The following GRID2 variants were observed in gnomAD, a reference collection of about 807,000 sequenced individuals.
The protein encoded by GRID2 is glutamate receptor ionotropic, delta-2.
A neutral mutation model predicts 114.8 loss-of-function variants in GRID2; 33 were observed. The ratio of observed to expected loss-of-function variants is 0.29; its 90% CI spans 0.22 to 0.38. The LOEUF is 0.38. GRID2 is among the 10% of genes least tolerant of loss of function. GRID2 has a pLI of 1.00. For synonymous variants in GRID2, 505 were observed against 449.9 expected (o/e 1.12, Z -1.55); for missense variants, 1,184 against 1,257.7 (o/e 0.94, Z 0.89).
intron 13 of GRID2, among the ~76,000 whole-genome samples, chr4:93,618,621 A>G (rs370732271): frequency 1.5e-4 from 23 of 152,352 alleles, no homozygotes; most frequent in African/African-American, 4.1e-4. Flanking sequence ...TAAAGGCAAC[A>G]GAACATGTAT....
At chr4:93,649,962 C>T (rs188459627) in intron 14 of GRID2, among the ~76,000 whole-genome samples, 2 of 152,188 alleles carry the variant, frequency 1.3e-5, no homozygotes, top group African/African-American at 4.8e-5. Context: ...TACAAGTTTC[C>T]TCCCCCAGCT....
chr4:92,575,684 T>G (rs923690884), intron 1 of GRID2, among the ~76,000 whole-genome samples: 1 of 152,206 alleles, frequency 6.6e-6, no homozygotes, highest in Non-Finnish European at 1.5e-5. Context: ...CAGGGGATAC[T>G]GACTGGTTGC....
intron 1 of GRID2, among the ~76,000 whole-genome samples, chr4:92,563,368 G>A (rs979495714): frequency 6.6e-6 from 1 of 152,042 alleles, no homozygotes; most frequent in Non-Finnish European, 1.5e-5. Context: ...TTCTGCCTCA[G>A]TAATGTGTGC....
At chr4:92,692,900 G>A (rs1027862783) in intron 2 of GRID2, among the ~76,000 whole-genome samples, 1 of 151,938 alleles carries the variant, frequency 6.6e-6, no homozygotes, top group Middle Eastern at 3.2e-3. Context: ...GTGCATGCCT[G>A]TAATCCTAGC....
intron 11 of GRID2, among the ~76,000 whole-genome samples, chr4:93,487,840 A>AGGATTGT (rs1170017423): frequency 6.6e-6 from 1 of 151,950 alleles, no homozygotes; most frequent in African/African-American, 2.4e-5. Flanking sequence ...TGTCAGTGGG[A>AGGATTGT]GGATTGTTCT....
At chr4:92,877,453 G>C (rs548569723) in intron 2 of GRID2, among the ~76,000 whole-genome samples, 1 of 152,194 alleles carries the variant, frequency 6.6e-6, no homozygotes, top group East Asian at 1.9e-4. Flanking sequence ...TGCTGAGTCC[G>C]TGAAGGAGGT....
At chr4:93,752,191 T>C (rs1045973502) in intron 14 of GRID2, among the ~76,000 whole-genome samples, 1 of 152,130 alleles carries the variant, frequency 6.6e-6, no homozygotes, top group Non-Finnish European at 1.5e-5. Flanking sequence ...ATATACCACA[T>C]AATGTGGTGA....
At chr4:93,500,249 A>T (rs1028045571) in intron 12 of GRID2, among the ~76,000 whole-genome samples, 1 of 152,036 alleles carries the variant, frequency 6.6e-6, no homozygotes, top group Non-Finnish European at 1.5e-5. Flanking sequence ...AGAGTAAAAA[A>T]GGGATAGATT....
chr4:92,795,636 C>T (rs534009286), intron 2 of GRID2, among the ~76,000 whole-genome samples: 3 of 152,090 alleles, frequency 2.0e-5, no homozygotes, highest in African/African-American at 7.2e-5. Context: ...CTTCTTACAC[C>T]ATGTGCTTTA....
At chr4:92,888,656 C>A (rs1746537542) in intron 2 of GRID2, among the ~76,000 whole-genome samples, 1 of 151,958 alleles carries the variant, frequency 6.6e-6, no homozygotes, top group Non-Finnish European at 1.5e-5. Context: ...AAATAGAATG[C>A]ATATATTTAA....
intron 2 of GRID2, among the ~76,000 whole-genome samples, chr4:93,040,479 A>G (rs532847798): frequency 6.6e-6 from 1 of 152,242 alleles, no homozygotes; most frequent in Non-Finnish European, 1.5e-5. Context: ...TGTAAAGTGT[A>G]TTCTTTTTCT....
intron 14 of GRID2, among the ~76,000 whole-genome samples, chr4:93,647,425 A>G (rs1043342745): frequency 6.6e-6 from 1 of 152,218 alleles, no homozygotes; most frequent in Non-Finnish European, 1.5e-5. Flanking sequence ...TTTCACCTCT[A>G]TACTCATCCA....
intron 8 of GRID2, among the ~76,000 whole-genome samples, chr4:93,306,579 T>C (rs1755448683): frequency 1.3e-5 from 2 of 152,148 alleles, no homozygotes; most frequent in Admixed American, 6.5e-5. Flanking sequence ...GAAAGAAAGA[T>C]AGGAATACCT....
At chr4:92,885,917 G>T (rs1020034363) in intron 2 of GRID2, among the ~76,000 whole-genome samples, 1 of 152,116 alleles carries the variant, frequency 6.6e-6, no homozygotes, top group Non-Finnish European at 1.5e-5. Flanking sequence ...GTGTTAAAAT[G>T]TTAACTTCCA....
At chr4:93,116,120 C>A (rs1007384800) in intron 4 of GRID2, among the ~76,000 whole-genome samples, 15 of 152,150 alleles carry the variant, frequency 9.9e-5, no homozygotes, top group Admixed American at 8.5e-4. Context: ...AGTTATAGCA[C>A]AATTTTAAAT....
rs145996854 is a variant in GRID2, at chr4:93,161,863, TAA to T, written c.736-45540_736-45539del. 2.3e-3 allele frequency among the ~76,000 whole-genome samples: 352 copies of T among 151,956 alleles called. 1 individual carries two copies. The highest frequency in any genetic ancestry group is 8.0e-3 in the African/African-American group (334 of 41,524). ...ACCAATTATGTTTTCTTTTATACTT[TAA>T]GTTTTTCTTATTAATATCTATAGTT... On this transcript the variant is annotated intron_variant, in intron 4 of 15. Transcript: ENST00000282020.
At chr4:93,422,701 T>C in intron 9 of GRID2, 70 bp from the exon 10 acceptor site, 1 of 946,062 alleles carries the variant, frequency 1.1e-6, no homozygotes, top group Non-Finnish European at 1.7e-6. Flanking sequence ...CAAAACTCTT[T>C]AAAGAATTAA....
chr4:93,043,568 T>C (rs530572422), intron 2 of GRID2, among the ~76,000 whole-genome samples: 1 of 152,174 alleles, frequency 6.6e-6, no homozygotes, highest in Non-Finnish European at 1.5e-5. Context: ...GAAAGTGTGA[T>C]AGTAGGTTCA....
At chr4:92,385,718 A>C (rs1217785948) in intron 1 of GRID2, among the ~76,000 whole-genome samples, 3 of 151,592 alleles carry the variant, frequency 2.0e-5, no homozygotes, top group Non-Finnish European at 4.4e-5. Flanking sequence ...ATAGGTTAGA[A>C]TACATAAACA....
Sources: allele counts gnomAD v4.1 joint callset (sites outside exome capture counted in the v4.1 genomes callset), GRCh38; gene constraint gnomAD v4.1.1; transcripts MANE v1.5; gene names NCBI Gene and HGNC (gene_info 2026-07-23, HGNC 2026-07-21).